Variants in KDM4C observed in about 807,000 individuals in gnomAD.
KDM4C encodes the protein lysine demethylase 4C.
KDM4C carries 81 observed loss-of-function variants against 129.3 expected under a neutral mutation model. The observed-to-expected ratio is 0.63, with a 90% CI of 0.52 to 0.75. KDM4C has a LOEUF of 0.75. Ranked by LOEUF, KDM4C falls within the 30% of genes least tolerant of loss-of-function variation. The pLI is 0.00. For synonymous variants in KDM4C, 573 were observed against 456.1 expected (o/e 1.26, Z -3.26); for missense variants, 1,457 against 1,304.0 (o/e 1.12, Z -1.81).
chr9:6,840,961 AC>A, intron 4 of KDM4C, among the ~76,000 whole-genome samples: 1 of 152,370 alleles, frequency 6.6e-6, no homozygotes, highest in South Asian at 2.1e-4. Flanking sequence ...GACCAAGAGC[AC>A]ATCTAAATGT....
intron 3 of KDM4C, among the ~76,000 whole-genome samples, chr9:6,807,793 G>T (rs1421616646): frequency 3.4e-5 from 5 of 147,966 alleles, no homozygotes; most frequent in African/African-American, 1.3e-4. Flanking sequence ...AGGGAGGTGG[G>T]GGGGGGGTCA....
intron 8 of KDM4C, among the ~76,000 whole-genome samples, chr9:6,939,137 C>G (rs62533829): frequency 0.26 from 38,712 of 151,362 alleles, 5,396 homozygotes; most frequent in South Asian, 0.39. Context: ...CTGGGCTGCA[C>G]CATAGGAGGT....
chr9:7,157,880 A>G (rs1436349443), intron 19 of KDM4C, among the ~76,000 whole-genome samples: 5 of 152,228 alleles, frequency 3.3e-5, no homozygotes, highest in Admixed American at 3.3e-4. Flanking sequence ...AAAATGAGTT[A>G]GGGAGGAGTC....
chr9:6,782,137 T>C (rs1409605324), intron 1 of KDM4C, among the ~76,000 whole-genome samples: 1 of 152,184 alleles, frequency 6.6e-6, no homozygotes, highest in Non-Finnish European at 1.5e-5. Flanking sequence ...TTATAAATTT[T>C]AGTGAGTAGG....
intron 1 of KDM4C, among the ~76,000 whole-genome samples, chr9:6,774,183 T>C (rs1822517206): frequency 6.6e-6 from 1 of 152,020 alleles, no homozygotes; most frequent in Non-Finnish European, 1.5e-5. Context: ...CCACCGTGCC[T>C]GGCCACCCTA....
intron 15 of KDM4C, among the ~76,000 whole-genome samples, chr9:7,040,314 T>C (rs1828341422): frequency 6.6e-6 from 1 of 150,880 alleles, no homozygotes; most frequent in Non-Finnish European, 1.5e-5. Flanking sequence ...TCCCTCCCTC[T>C]GTCTCTCTTT....
rs1389274906 is a variant in KDM4C at position 7,015,768 on chromosome 9, A to G, written c.2183-85A>G. 1.8e-5 allele frequency: 16 copies of G among 903,168 alleles called. No individual in the cohort carries two copies. In the East Asian group the frequency reaches 3.9e-4, roughly 22 times the overall value. The allele number at this position is 903,168 out of a possible 1,614,324, so 55.9% of individuals were successfully genotyped here. On this transcript the variant is annotated intron_variant, in intron 14 of 21. Coordinates refer to ENST00000381309, the MANE Select transcript of KDM4C (RefSeq NM_015061.6). ...AGACAGTATGGTAGGCTAGTGTCCC[A>G]TTTTTATTTATTTCAGTACTGAGAT...
intron 1 of KDM4C, among the ~76,000 whole-genome samples, chr9:6,762,549 A>C (rs566717034): frequency 1.3e-5 from 2 of 151,464 alleles, no homozygotes; most frequent in Non-Finnish European, 2.9e-5. Context: ...TATCGCTACA[A>C]ATGTAGACCA....
At chr9:6,789,346 G>A (rs1293606057) in intron 1 of KDM4C, among the ~76,000 whole-genome samples, 1 of 149,482 alleles carries the variant, frequency 6.7e-6, no homozygotes, top group Non-Finnish European at 1.5e-5. Context: ...TCAGCCTCCC[G>A]AATAGCTTGG....
chr9:6,763,063 C>T (rs1004790830), intron 1 of KDM4C, among the ~76,000 whole-genome samples: 4 of 152,036 alleles, frequency 2.6e-5, no homozygotes, highest in Admixed American at 6.6e-5. Context: ...GTAGAGGGGG[C>T]GTGGTTACGA....
chr9:6,803,765 A>G lies in KDM4C; in HGVS notation c.145-1834A>G, dbSNP rs796874850. Among the ~76,000 whole-genome samples, 616 of 152,078 alleles carry G rather than the reference A, an allele frequency of 4.1e-3. 7 individuals carry two copies. The highest frequency in any genetic ancestry group is 0.014 in the African/African-American group (588 of 41,488). On this transcript the variant is annotated intron_variant, in intron 2 of 21. Transcript: ENST00000381309. The stretch of plus-strand genomic sequence containing the variant: ...TGTAACAAAAAGAAAAAAAAAAAAA[A>G]AAGAAAAGTTCCAGCAATAGATCAT...
chr9:7,111,577 T>C (rs970952474), intron 18 of KDM4C, among the ~76,000 whole-genome samples: 1 of 152,132 alleles, frequency 6.6e-6, no homozygotes, highest in Admixed American at 6.6e-5. Flanking sequence ...AGCCAGGCAA[T>C]CTGACTCAGA....
intron 4 of KDM4C, among the ~76,000 whole-genome samples, chr9:6,844,973 C>G (rs1837600283): frequency 6.6e-6 from 1 of 152,164 alleles, no homozygotes; most frequent in South Asian, 2.1e-4. Flanking sequence ...CAGGCGTGTG[C>G]CACTGCGCCC....
At chr9:7,114,718 C>T (rs948952039) in intron 18 of KDM4C, among the ~76,000 whole-genome samples, 1 of 152,126 alleles carries the variant, frequency 6.6e-6, no homozygotes, top group Non-Finnish European at 1.5e-5. Flanking sequence ...CTGTTTTATG[C>T]TTGGCTCTGT....
intron 19 of KDM4C, among the ~76,000 whole-genome samples, chr9:7,145,964 A>T (rs1417090670): frequency 6.6e-6 from 1 of 152,258 alleles, no homozygotes; most frequent in Non-Finnish European, 1.5e-5. Context: ...GTGTGGAAAC[A>T]CAGTGCCCCA....
intron 8 of KDM4C, among the ~76,000 whole-genome samples, chr9:6,917,597 C>G (rs928795092): frequency 6.6e-6 from 1 of 152,206 alleles, no homozygotes; most frequent in Non-Finnish European, 1.5e-5. Context: ...TTTCCTATCC[C>G]TAAATTCTAG....
At chr9:7,156,952 C>T (rs1034132384) in intron 19 of KDM4C, among the ~76,000 whole-genome samples, 3 of 152,162 alleles carry the variant, frequency 2.0e-5, no homozygotes, top group Admixed American at 2.0e-4. Context: ...GCAGTGTAGC[C>T]ATTTGCACAA....
At chr9:6,812,686 C>T (rs1421404780) in intron 3 of KDM4C, among the ~76,000 whole-genome samples, 1 of 152,140 alleles carries the variant, frequency 6.6e-6, no homozygotes, top group East Asian at 1.9e-4. Context: ...TCCTAACAGG[C>T]CGCGGACCCC....
At chr9:7,134,379 A>G (rs550542259) in intron 19 of KDM4C, among the ~76,000 whole-genome samples, 1 of 152,340 alleles carries the variant, frequency 6.6e-6, no homozygotes, top group South Asian at 2.1e-4. Flanking sequence ...TAATATTTGC[A>G]TAAAAAAAGA....
Sources: gnomAD v4.1 joint callset for allele counts (sites outside exome capture counted in the v4.1 genomes callset) on GRCh38, gnomAD v4.1.1 for gene constraint, MANE v1.5 for transcripts, NCBI Gene and HGNC (gene_info 2026-07-23, HGNC 2026-07-21) for gene names.